Variants in DGKD observed in about 807,000 individuals in gnomAD.
DGKD encodes DAG kinase delta.
A neutral mutation model predicts 154.4 loss-of-function variants in DGKD; 68 were observed. The observed-to-expected ratio is 0.44, with a 90% CI of 0.36 to 0.54. DGKD has a LOEUF of 0.54. Among genes scored for constraint, DGKD ranks in the 20% least tolerant of loss-of-function variants. The pLI, the probability that DGKD is intolerant of heterozygous loss-of-function variation, is 0.00. For synonymous variants in DGKD, 693 were observed against 638.0 expected (o/e 1.09, Z -1.30); for missense variants, 1,343 against 1,593.6 (o/e 0.84, Z 2.68).
intron 17 of DGKD, among the ~76,000 whole-genome samples, chr2:233,451,399 T>C (rs1328248878): frequency 1.3e-5 from 2 of 151,972 alleles, no homozygotes; most frequent in Admixed American, 1.3e-4. Context: ...CCCGTGCTTC[T>C]AGCGTGGTCG....
intron 29 of DGKD, 71 bp from the exon 30 acceptor site, chr2:233,469,300 C>A: frequency 7.4e-7 from 1 of 1,355,646 alleles, no homozygotes; most frequent in Non-Finnish European, 1.0e-6. Flanking sequence ...GCCGTTGTGG[C>A]AGGCCTGCTG....
rs893374975 is a variant in DGKD, at chr2:233,452,930, C to A, written c.2264+870C>A. On this transcript the variant is annotated intron_variant, in intron 18 of 29. Coordinates refer to ENST00000264057, the MANE Select transcript of DGKD (RefSeq NM_152879.3). This position sits in a 1 kb window ranked among gnomAD's most constrained non-coding sequence, Gnocchi z 4.0. ...GTTTGGGAAAGTGGACCCCTAGATT[C>A]CAGGTGCTGGCCTGGTACAGCACTT... Among the ~76,000 whole-genome samples, 1 of 152,098 alleles carries A rather than the reference C, an allele frequency of 6.6e-6. No individual in the cohort carries two copies. The highest frequency in any genetic ancestry group is 1.5e-5 in the Non-Finnish European group (1 of 68,012).
At chr2:233,434,946 A>G in intron 5 of DGKD, 45 bp downstream of exon 5, 3 of 1,580,652 alleles carry the variant, frequency 1.9e-6, no homozygotes, top group East Asian at 2.3e-5. Flanking sequence ...GTGGCCTGGC[A>G]TTTTACTTGA....
intron 3 of DGKD, among the ~76,000 whole-genome samples, chr2:233,425,336 G>A (rs376263037): frequency 6.6e-6 from 1 of 151,918 alleles, no homozygotes; most frequent in Non-Finnish European, 1.5e-5. Flanking sequence ...ACAGGCGCCC[G>A]CCACCACGCC....
chr2:233,469,356 T>C lies in DGKD; in HGVS notation c.3556-15T>C. On this transcript the variant is annotated splice_polypyrimidine_tract_variant and intron_variant, in intron 29 of 29. Coordinates refer to ENST00000264057, the MANE Select transcript of DGKD (RefSeq NM_152879.3). Reference sequence around the variant, plus strand: ...TGTCTTCTCGGCATCCATGGCGGTGTCTTCTCTGTTGCAGGACCTGGGCGT... The same window carrying C: ...TGTCTTCTCGGCATCCATGGCGGTGCCTTCTCTGTTGCAGGACCTGGGCGT... 1 of 1,604,912 alleles carries C rather than the reference T, an allele frequency of 6.2e-7. No homozygotes were observed. The highest frequency in any genetic ancestry group is 8.5e-7 in the Non-Finnish European group (1 of 1,175,666).
At chr2:233,405,727 A>G (rs1300977103) in intron 3 of DGKD, among the ~76,000 whole-genome samples, 1 of 152,192 alleles carries the variant, frequency 6.6e-6, no homozygotes, top group East Asian at 1.9e-4. Flanking sequence ...ACTATGAGGC[A>G]AATAAACTTC....
chr2:233,367,291 C>T (rs558817917), intron 1 of DGKD, among the ~76,000 whole-genome samples: 42 of 151,290 alleles, frequency 2.8e-4, no homozygotes, highest in Non-Finnish European at 3.7e-4. Flanking sequence ...TGCAGTGGTG[C>T]GATCTCGGCT....
chr2:233,365,515 G>A (rs542831205), intron 1 of DGKD, among the ~76,000 whole-genome samples: 1 of 152,104 alleles, frequency 6.6e-6, no homozygotes, highest in African/African-American at 2.4e-5. Context: ...GAAGTGCTGG[G>A]ATTACAGGCG....
chr2:233,426,408 G>A (rs1200461086), intron 3 of DGKD, among the ~76,000 whole-genome samples: 1 of 152,146 alleles, frequency 6.6e-6, no homozygotes, highest in Non-Finnish European at 1.5e-5. Flanking sequence ...CGCACAGCTT[G>A]ATGCATGTTC....
In DGKD at chr2:233,469,355, GTCT is replaced by G; in HGVS notation, c.3556-12_3556-10del. ...CTGTCTTCTCGGCATCCATGGCGGT[GTCT>G]TCTCTGTTGCAGGACCTGGGCGTGA... On this transcript the variant is annotated splice_polypyrimidine_tract_variant and intron_variant, in intron 29 of 29. Coordinates refer to ENST00000264057, the MANE Select transcript of DGKD (RefSeq NM_152879.3). The G allele has an allele frequency of 6.2e-7, 1 of 1,604,172 alleles. No individual in the cohort carries two copies. Among genetic ancestry groups the G allele is most frequent in the Non-Finnish European group, 8.5e-7 (1 of 1,175,222 alleles).
At chr2:233,430,347 G>T (rs1394878463) in intron 3 of DGKD, among the ~76,000 whole-genome samples, 2 of 152,188 alleles carry the variant, frequency 1.3e-5, no homozygotes, top group Non-Finnish European at 2.9e-5. Context: ...CATCCATAGG[G>T]CGCTGGCTGA....
At chr2:233,392,408 T>C (rs1311999468) in intron 3 of DGKD, 1 of 152,246 alleles carries the variant, frequency 6.6e-6, no homozygotes, top group Non-Finnish European at 1.5e-5. Context: ...AATGTTGAAT[T>C]TTACTCCTTT....
In DGKD at chr2:233,450,325, G is replaced by T. The variant is rs922753059; in HGVS notation, c.2038+194G>T. ...CCCTTGAGGTGGGTGTGTGCGGTCT[G>T]TCTTGGTGGACAGCAGTAGAACCCG... On this transcript the variant is annotated intron_variant, in intron 16 of 29. Transcript: ENST00000264057. Among the ~76,000 whole-genome samples, 3 of 152,128 alleles carry T rather than the reference G, an allele frequency of 2.0e-5. No homozygotes were observed. In the South Asian group the frequency reaches 6.2e-4, roughly 32 times the overall value.
intron 1 of DGKD, among the ~76,000 whole-genome samples, chr2:233,378,060 G>C (rs1301252941): frequency 1.3e-5 from 2 of 151,826 alleles, no homozygotes; most frequent in Non-Finnish European, 2.9e-5. Flanking sequence ...TCTCACCTCA[G>C]CCTCCCAAGT....
At chr2:233,363,185 A>G (rs186947763) in intron 1 of DGKD, among the ~76,000 whole-genome samples, 1 of 152,348 alleles carries the variant, frequency 6.6e-6, no homozygotes, top group African/African-American at 2.4e-5. Context: ...AGGAGGTGAC[A>G]GCTCCATGCA....
intron 1 of DGKD, among the ~76,000 whole-genome samples, chr2:233,373,092 C>T (rs1395919058): frequency 1.3e-5 from 2 of 152,174 alleles, no homozygotes; most frequent in African/African-American, 2.4e-5. Context: ...TTCACCTTCA[C>T]AACTTCATGG....
chr2:233,414,935 G>C (rs13419277), intron 3 of DGKD, among the ~76,000 whole-genome samples: 14,901 of 152,128 alleles, frequency 0.098, 794 homozygotes, highest in African/African-American at 0.15. Flanking sequence ...TTGGTAAGGG[G>C]CTGGAAGGGC....
intron 1 of DGKD, among the ~76,000 whole-genome samples, chr2:233,377,233 C>T (rs1559482057): frequency 6.6e-6 from 1 of 152,006 alleles, no homozygotes; most frequent in African/African-American, 2.4e-5. Context: ...CAGGTGTGTG[C>T]CACCACTCCC....
chr2:233,377,915 G>T (rs1010201015), intron 1 of DGKD, among the ~76,000 whole-genome samples: 10 of 152,120 alleles, frequency 6.6e-5, no homozygotes, highest in Non-Finnish European at 7.4e-5. Flanking sequence ...TTGGGCTCAG[G>T]TGATCCTCCC....
Sources: gnomAD v4.1 joint callset for allele counts (sites outside exome capture counted in the v4.1 genomes callset) on GRCh38, gnomAD v4.1.1 for gene constraint, Gnocchi (gnomAD v3.1) non-coding constraint, MANE v1.5 for transcripts, NCBI Gene and HGNC (gene_info 2026-07-23, HGNC 2026-07-21) for gene names.